The following SLC22A24 variants were observed in gnomAD, a reference collection of about 807,000 sequenced individuals.
SLC22A24 encodes steroid transmembrane transporter SLC22A24.
SLC22A24 carries 53 observed loss-of-function variants against 49.8 expected under a neutral mutation model. The observed-to-expected ratio is 1.06, with a 90% confidence interval of 0.85 to 1.34. The LOEUF (loss-of-function observed/expected upper bound fraction) is 1.34, where lower values mean the gene tolerates loss of function less well. Ranked by LOEUF, SLC22A24 falls within the 40% of genes most tolerant of loss-of-function variation. The pLI is 0.00. For missense variants in SLC22A24, 786 were observed against 675.9 expected (o/e 1.16, Z -1.81); for synonymous variants, 302 against 256.4 (o/e 1.18, Z -1.70).
chr11:63,135,811 C>A (rs1162466291), intron 1 of SLC22A24, among the ~76,000 whole-genome samples: 2 of 152,146 alleles, frequency 1.3e-5, no homozygotes, highest in Non-Finnish European at 2.9e-5. Context: ...GACCCAGAAA[C>A]TGCTAATGAA....
At chr11:63,083,532 G>A in intron 6 of SLC22A24, 75 bp from the exon 7 acceptor site, 1 of 1,233,624 alleles carries the variant, frequency 8.1e-7, no homozygotes, top group Non-Finnish European at 1.1e-6. Flanking sequence ...AGATTTTGAA[G>A]GTAAGTCCTA....
intron 5 of SLC22A24, among the ~76,000 whole-genome samples, chr11:63,097,868 A>G (rs569022459): frequency 6.6e-6 from 1 of 152,200 alleles, no homozygotes; most frequent in South Asian, 2.1e-4. Context: ...GAGCTGAACA[A>G]TGAGAACACA....
chr11:63,137,081 G>T (rs950197075), intron 1 of SLC22A24, among the ~76,000 whole-genome samples: 1 of 152,064 alleles, frequency 6.6e-6, no homozygotes, highest in Non-Finnish European at 1.5e-5. Context: ...CAGGGTGTCT[G>T]TTTGTAGCTC....
At chr11:63,085,106 A>G (rs184747538) in intron 6 of SLC22A24, among the ~76,000 whole-genome samples, 1 of 152,294 alleles carries the variant, frequency 6.6e-6, no homozygotes, top group Admixed American at 6.5e-5. Context: ...GTGCTTTCTC[A>G]TTATTCGACA....
intron 4 of SLC22A24, among the ~76,000 whole-genome samples, chr11:63,113,129 TATATATATACAC>T (rs2087183747): frequency 1.9e-4 from 2 of 10,586 alleles, no homozygotes; most frequent in African/African-American, 4.5e-4. Context: ...TATATATACA[TATATATATACAC>T]ATATATATAT....
chr11:63,119,243 C>T lies in SLC22A24; in HGVS notation c.599G>A (p.Cys200Tyr). Residue 200 changes from cysteine to tyrosine, a missense_variant, in exon 3 of 10, where the codon TGC becomes TAC. Transcript: ENST00000612278. ...GAACCCTGCCAAGAAGCGCAGTATGCAGTAAACAAGGAAGGTGGGAGCGAA... is the reference window on the plus strand; with the variant it reads ...GAACCCTGCCAAGAAGCGCAGTATGTAGTAAACAAGGAAGGTGGGAGCGAA... The part of the protein sequence containing the change: ...AAFAPTFLVY[C>Y]ILRFLAGFST... The T allele has an allele frequency of 6.4e-7, 1 of 1,551,310 alleles. No homozygotes were observed. The highest frequency in any genetic ancestry group is 8.7e-7 in the Non-Finnish European group (1 of 1,146,840).
chr11:63,116,087 C>T (rs2087211072), intron 4 of SLC22A24: 1 of 378,234 alleles, frequency 2.6e-6, no homozygotes, highest in Non-Finnish European at 4.7e-6. Context: ...TCTTTGGGAT[C>T]TTGAGCTTAA....
intron 6 of SLC22A24, among the ~76,000 whole-genome samples, chr11:63,084,675 C>T (rs952803268): frequency 6.6e-6 from 1 of 152,126 alleles, no homozygotes; most frequent in Non-Finnish European, 1.5e-5. Context: ...CCGACCTTTG[C>T]TTTCTTTCCC....
chr11:63,095,640 A>G (rs1258945576), intron 6 of SLC22A24, among the ~76,000 whole-genome samples: 1 of 152,136 alleles, frequency 6.6e-6, no homozygotes, highest in African/African-American at 2.4e-5. Context: ...ATAGATTTGC[A>G]AAATTGATCT....
At chr11:63,093,189 A>G (rs1346576508) in intron 6 of SLC22A24, among the ~76,000 whole-genome samples, 1 of 152,208 alleles carries the variant, frequency 6.6e-6, no homozygotes, top group East Asian at 1.9e-4. Context: ...TCAGGAAACA[A>G]CAGATGCTGG....
chr11:63,081,614 A>G lies in SLC22A24; in HGVS notation c.1338T>C (p.Ser446=), dbSNP rs1343094962. ...GGACAGAAGCACTGTTGCTAGCAGC[A>G]GAAACACTACCAATTCCCAAAGTTG... is the stretch of plus-strand genomic sequence containing the variant. ...VLATLGIGSV[S]AASNSASVHH... is the part of the protein sequence containing the mutation. The change falls in exon 8 of 10, where the codon TCT becomes TCC. Residue 446 remains serine (S), a synonymous_variant. Coordinates refer to ENST00000612278, the MANE Select transcript of SLC22A24 (RefSeq NM_001136506.2). The G allele has an allele frequency of 1.6e-5, 25 of 1,551,554 alleles. No homozygotes were observed. The highest frequency in any genetic ancestry group is 7.8e-5 in the Admixed American group (4 of 50,990).
At chr11:63,096,516 A>T (rs137917326) in intron 5 of SLC22A24, among the ~76,000 whole-genome samples, 205 of 152,306 alleles carry the variant, frequency 1.3e-3, no homozygotes, top group African/African-American at 4.8e-3. Flanking sequence ...CTTTCTTGAA[A>T]GCTGGGTCCA....
chr11:63,114,905 A>G, intron 4 of SLC22A24, among the ~76,000 whole-genome samples: 1 of 152,154 alleles, frequency 6.6e-6, no homozygotes, highest in Non-Finnish European at 1.5e-5. Context: ...CAGAACAGCA[A>G]ATATTGCTGC....
chr11:63,093,969 CT>C (rs1430000158), intron 6 of SLC22A24, among the ~76,000 whole-genome samples: 2 of 106,858 alleles, frequency 1.9e-5, no homozygotes, highest in African/African-American at 3.1e-5. Flanking sequence ...AACCAAAATT[CT>C]TTTTTTCCTG....
intron 1 of SLC22A24, among the ~76,000 whole-genome samples, chr11:63,138,468 C>G (rs1334627266): frequency 6.6e-6 from 1 of 151,812 alleles, no homozygotes; most frequent in Non-Finnish European, 1.5e-5. Flanking sequence ...CGGTGAAACC[C>G]TGTCTCTACT....
chr11:63,087,024 G>GCGCGCACACACACACACACACACA (rs376936925), intron 6 of SLC22A24, among the ~76,000 whole-genome samples: 3 of 132,556 alleles, frequency 2.3e-5, no homozygotes, highest in East Asian at 4.5e-4. Flanking sequence ...CCTGGAGGGC[G>GCGCGCACACACACACACACACACA]CACACACACA....
At chr11:63,080,691 C>T (rs1007651377) in intron 9 of SLC22A24, among the ~76,000 whole-genome samples, 1 of 152,138 alleles carries the variant, frequency 6.6e-6, no homozygotes, top group Non-Finnish European at 1.5e-5. Context: ...CACCACTGAA[C>T]CTTCTGGTGT....
In SLC22A24 at chr11:63,118,916, A is replaced by G; in HGVS notation, c.826T>C (p.Ser276Pro). 1.9e-6 allele frequency: 3 copies of G among 1,552,082 alleles called. No homozygotes were observed. Among genetic ancestry groups the G allele is most frequent in the Non-Finnish European group, 2.6e-6 (3 of 1,147,034 alleles). ...GAATGTGGAGATTGTTCATACCAAGAGGACAAGAAGAGGACAATTATGGGT... is the reference window on the plus strand; with the variant it reads ...GAATGTGGAGATTGTTCATACCAAGGGGACAAGAAGAGGACAATTATGGGT... ...STPIIVLFLS[S>P]WKMVESARWL... Residue 276 changes from serine to proline, a missense_variant, in exon 4 of 10, where the codon TCT becomes CCT. Coordinates refer to ENST00000612278, the MANE Select transcript of SLC22A24 (RefSeq NM_001136506.2).
chr11:63,142,866 A>G (rs2087425376), intron 1 of SLC22A24, among the ~76,000 whole-genome samples: 1 of 152,136 alleles, frequency 6.6e-6, no homozygotes, highest in Non-Finnish European at 1.5e-5. Context: ...TGCTCCCCGA[A>G]TGCTCAGGGA....
Sources: allele counts gnomAD v4.1 joint callset (sites outside exome capture counted in the v4.1 genomes callset), GRCh38; gene constraint gnomAD v4.1.1; transcripts MANE v1.5; gene names NCBI Gene and HGNC (gene_info 2026-07-23, HGNC 2026-07-21).